GALNS: variants seen among roughly 807,000 people sequenced by gnomAD.
GALNS encodes N-acetylgalactosamine-6-sulfatase.
A neutral mutation model predicts 65.9 loss-of-function variants in GALNS; 65 were observed. That is an observed-to-expected ratio of 0.99 (90% CI 0.81 to 1.21). The LOEUF (loss-of-function observed/expected upper bound fraction) is 1.21. GALNS is among the 50% of genes most tolerant of loss of function. The pLI is 0.00. For synonymous variants in GALNS, 346 were observed against 288.9 expected, an observed-to-expected ratio of 1.20 and a Z score of -2.00; for missense variants, 776 against 700.7, an observed-to-expected ratio of 1.11 and a Z score of -1.21.
intron 9 of GALNS, among the ~76,000 whole-genome samples, chr16:88,831,211 G>C (rs527303018): frequency 8.2e-4 from 124 of 152,102 alleles, no homozygotes; most frequent in African/African-American, 2.8e-3. Context: ...GTTCCGAGGA[G>C]AGCGGTGAGG....
intron 11 of GALNS, among the ~76,000 whole-genome samples, chr16:88,822,921 A>C (rs1484941393): frequency 6.6e-6 from 1 of 152,196 alleles, no homozygotes; most frequent in Non-Finnish European, 1.5e-5. Flanking sequence ...GGCGCTGGCT[A>C]AACGCTGAAG....
At position 88,825,032 on chromosome 16, in the gene GALNS, T is replaced by C. The variant is rs76578155; in HGVS notation, c.1140-163A>G. Among the ~76,000 whole-genome samples, 5,337 of 148,842 alleles carry C rather than the reference T, an allele frequency of 0.036. 340 individuals carry two copies. Among genetic ancestry groups the C allele is most frequent in the African/African-American group, 0.13 (5,080 of 39,306 alleles). On this transcript the variant is annotated intron_variant, in intron 10 of 13. Transcript: ENST00000268695. The stretch of plus-strand genomic sequence containing the variant: ...AAAGTAAAAAGGCCCGCAAGGTGGC[T>C]GGGGCTGGGGTGCCTGGGCGGCCGG...
chr16:88,845,138 G>A (rs1967186803), intron 1 of GALNS: 1 of 152,134 alleles, frequency 6.6e-6, no homozygotes, highest in African/African-American at 2.4e-5. Context: ...ACCAGGTCAG[G>A]AGATCGAGAC....
chr16:88,834,934 G>A (rs1379048100), intron 8 of GALNS, among the ~76,000 whole-genome samples: 3 of 152,176 alleles, frequency 2.0e-5, no homozygotes, highest in African/African-American at 2.4e-5. Flanking sequence ...TCCGGCCTCC[G>A]GGGTCACCCT....
intron 9 of GALNS, 133 bp downstream of exon 9, chr16:88,831,865 G>C (rs1489488271): frequency 2.5e-5 from 19 of 749,846 alleles, no homozygotes; most frequent in Non-Finnish European, 4.2e-5. Context: ...GCTGAGCACA[G>C]GGTGCGTGGG....
intron 13 of GALNS, chr16:88,816,584 G>A: frequency 1.0e-6 from 1 of 981,506 alleles, no homozygotes; most frequent in Non-Finnish European, 1.2e-6. Context: ...CCTGCAGGGT[G>A]GACTGTCCCT....
intron 8 of GALNS, among the ~76,000 whole-genome samples, chr16:88,834,273 C>T (rs1230420807): frequency 1.3e-5 from 2 of 152,060 alleles, no homozygotes; most frequent in Non-Finnish European, 2.9e-5. Flanking sequence ...CCGCAGCACA[C>T]TGGGCTGTAG....
At chr16:88,815,886 G>C (rs767492231) in intron 13 of GALNS, 48 of 985,386 alleles carry the variant, frequency 4.9e-5, no homozygotes, top group African/African-American at 3.1e-4. Context: ...CTCAAAGGCC[G>C]CTCAGCTGTC....
At chr16:88,839,889 G>A (rs994441056) in intron 4 of GALNS, among the ~76,000 whole-genome samples, 13 of 152,256 alleles carry the variant, frequency 8.5e-5, no homozygotes, top group African/African-American at 3.1e-4. Flanking sequence ...AGAGCTGCCA[G>A]GCCAGGCGGA....
At chr16:88,851,811 C>T (rs536911538) in intron 1 of GALNS, among the ~76,000 whole-genome samples, 122 of 152,326 alleles carry the variant, frequency 8.0e-4, no homozygotes, top group African/African-American at 2.8e-3. Flanking sequence ...TGGGGAGGGG[C>T]GTCCGCCATT....
In GALNS at chr16:88,842,718, G is replaced by C; in HGVS notation, c.232C>G (p.Leu78Val). 1.2e-6 allele frequency: 2 copies of C among 1,612,952 alleles called. No homozygotes were observed. The highest frequency in any genetic ancestry group is 1.7e-6 in the Non-Finnish European group (2 of 1,179,770). ...LFPNFYSANP[L>V]CSPSRAALLT... ...CCCGCTGACTTACATGGCGAGCACA[G>C]AGGGTTGGCAGAATAGAAGTTTGGG... Residue 78 changes from leucine to valine, a missense_variant, in exon 2 of 14, where the codon CTG becomes GTG. Physicochemically the swap from Leu to Val is conservative, Grantham distance 32. Transcript: ENST00000268695.
chr16:88,852,305 G>A (rs1967541955), intron 1 of GALNS, among the ~76,000 whole-genome samples: 1 of 152,142 alleles, frequency 6.6e-6, no homozygotes. Flanking sequence ...ACTCTTATAA[G>A]GAAAATTAAC....
chr16:88,826,630 T>C, intron 10 of GALNS, 72 bp downstream of exon 10: 1 of 1,552,600 alleles, frequency 6.4e-7, no homozygotes, highest in Non-Finnish European at 8.8e-7. Flanking sequence ...GCCTGGGGGT[T>C]GCACCTGATT....
rs1398235250 is a variant in GALNS at position 88,855,292 on chromosome 16, C to T, written c.120+1466G>A. The T allele has an allele frequency of 1.7e-5, 12 of 699,650 alleles. No individual in the cohort carries two copies. The South Asian group carries it at 1.8e-4, about 10-fold the overall frequency. The allele number at this position is 699,650 out of a possible 1,614,324, so 43.3% of individuals were successfully genotyped here. A position where few individuals can be genotyped will look rare whatever the true frequency, so the allele number is the denominator to read the frequency against. On this transcript the variant is annotated intron_variant, in intron 1 of 13. Coordinates refer to ENST00000268695, the MANE Select transcript of GALNS (RefSeq NM_000512.5). ...ACAGGGAGGCTTCACCTGCAGAGCC[C>T]AGCTCATCCAGCGAAGCTATGCTGG...
intron 1 of GALNS, chr16:88,856,224 C>T (rs1319899353): frequency 2.8e-6 from 2 of 703,044 alleles, no homozygotes; most frequent in African/African-American, 1.7e-5. Context: ...CAGCATTCTC[C>T]AGAGGACAGA....
chr16:88,853,712 T>G (rs1163073210), intron 1 of GALNS, among the ~76,000 whole-genome samples: 1 of 152,090 alleles, frequency 6.6e-6, no homozygotes, highest in Non-Finnish European at 1.5e-5. Context: ...GCCACGCAGG[T>G]TTCCTCACTC....
intron 9 of GALNS, among the ~76,000 whole-genome samples, chr16:88,829,495 G>A (rs1473383701): frequency 6.6e-6 from 1 of 152,336 alleles, no homozygotes; most frequent in South Asian, 2.1e-4. Context: ...CTGGGAACTT[G>A]GGGTGGCCCA....
At chr16:88,841,849 C>T in intron 3 of GALNS, 48 bp downstream of exon 3, 1 of 1,559,908 alleles carries the variant, frequency 6.4e-7, no homozygotes, top group Non-Finnish European at 8.8e-7. Flanking sequence ...AGCCCACCTG[C>T]CCAACCCTGC....
intron 8 of GALNS, among the ~76,000 whole-genome samples, 171 bp from the exon 9 acceptor site, chr16:88,832,272 A>C (rs1380901771): frequency 6.6e-6 from 1 of 152,048 alleles, no homozygotes; most frequent in Admixed American, 6.6e-5. Context: ...GGCTCATCTG[A>C]GATGCCGCGG....
Sources: allele counts gnomAD v4.1 joint callset (sites outside exome capture counted in the v4.1 genomes callset), GRCh38; gene constraint gnomAD v4.1.1; transcripts MANE v1.5; gene names NCBI Gene and HGNC (gene_info 2026-07-23, HGNC 2026-07-21).